Variants in DPYD observed in about 807,000 individuals in gnomAD.
The protein encoded by DPYD is dihydropyrimidine dehydrogenase, also known as dihydropyrimidine dehydrogenase [NADP(+)].
A neutral mutation model predicts 116.2 loss-of-function variants in DPYD; 109 were observed. The observed-to-expected ratio is 0.94, with a 90% CI of 0.80 to 1.10. The LOEUF is 1.10. Ranked by LOEUF, DPYD falls within the 50% of genes least tolerant of loss-of-function variation. The probability of loss-of-function intolerance (pLI) is 0.00; values close to 1 mark genes in which losing one functional copy is unlikely to be tolerated. For missense variants in DPYD, 1,302 were observed against 1,254.5 expected (o/e 1.04, Z -0.57); for synonymous variants, 440 against 432.0 (o/e 1.02, Z -0.23).
At chr1:97,345,859 C>A (rs75717834) in intron 16 of DPYD, among the ~76,000 whole-genome samples, 8,396 of 151,902 alleles carry the variant, frequency 0.055, 281 homozygotes, top group Middle Eastern at 0.13. Flanking sequence ...TAGAAGTACA[C>A]AAACAATATT....
intron 20 of DPYD, among the ~76,000 whole-genome samples, chr1:97,183,395 T>C (rs768525838): frequency 6.6e-6 from 1 of 152,094 alleles, no homozygotes; most frequent in Non-Finnish European, 1.5e-5. Context: ...TGCACCCCTG[T>C]CAAAAATCAA....
chr1:97,754,479 G>A (rs1250787921), intron 3 of DPYD, among the ~76,000 whole-genome samples: 1 of 152,158 alleles, frequency 6.6e-6, no homozygotes, highest in African/African-American at 2.4e-5. Flanking sequence ...CACAGTACGT[G>A]GCATGCTCCA....
intron 3 of DPYD, among the ~76,000 whole-genome samples, chr1:97,782,807 T>C (rs892680762): frequency 6.6e-6 from 1 of 152,182 alleles, no homozygotes; most frequent in African/African-American, 2.4e-5. Flanking sequence ...ACAGAATAAA[T>C]GGTCAAACTC....
At chr1:97,661,680 T>C (rs1659266800) in intron 8 of DPYD, among the ~76,000 whole-genome samples, 1 of 152,166 alleles carries the variant, frequency 6.6e-6, no homozygotes, top group South Asian at 2.1e-4. Context: ...AGAATAACTT[T>C]ATTGGTTAGT....
intron 1 of DPYD, among the ~76,000 whole-genome samples, chr1:97,912,451 T>C (rs1433849307): frequency 2.0e-5 from 3 of 152,096 alleles, no homozygotes; most frequent in Non-Finnish European, 4.4e-5. Flanking sequence ...ATGCTTTTGA[T>C]AGGACAAGAA....
At chr1:97,367,243 C>T (rs981788227) in intron 16 of DPYD, among the ~76,000 whole-genome samples, 7 of 151,678 alleles carry the variant, frequency 4.6e-5, no homozygotes, top group Non-Finnish European at 4.4e-5. Flanking sequence ...TGAAAAAATG[C>T]TGGCATGTTG....
chr1:97,195,582 A>G (rs1398343040), intron 19 of DPYD, among the ~76,000 whole-genome samples: 1 of 47,938 alleles, frequency 2.1e-5, no homozygotes, highest in Non-Finnish European at 3.7e-5. Flanking sequence ...ATATATATAT[A>G]TATATATATA....
intron 22 of DPYD, among the ~76,000 whole-genome samples, chr1:97,081,354 T>C (rs1453302888): frequency 6.6e-6 from 1 of 152,086 alleles, no homozygotes; most frequent in African/African-American, 2.4e-5. Flanking sequence ...CAATATTGTA[T>C]AGTTTTTAGC....
At chr1:97,757,482 G>A (rs770726324) in intron 3 of DPYD, among the ~76,000 whole-genome samples, 3 of 152,038 alleles carry the variant, frequency 2.0e-5, no homozygotes, top group Non-Finnish European at 2.9e-5. Context: ...GGTTAGTCTT[G>A]CATTTTCAGC....
chr1:97,519,993 G>A (rs1287241587), intron 12 of DPYD, among the ~76,000 whole-genome samples: 1 of 152,006 alleles, frequency 6.6e-6, no homozygotes, highest in Non-Finnish European at 1.5e-5. Context: ...TTGGTTATAT[G>A]TTTAAGTATT....
intron 20 of DPYD, among the ~76,000 whole-genome samples, chr1:97,148,237 GGTGT>G (rs142831995): frequency 3.3e-5 from 3 of 90,646 alleles, no homozygotes; most frequent in East Asian, 2.8e-4. Flanking sequence ...GTATGTGTAG[GGTGT>G]GTGTGTGTGT....
At chr1:97,197,351 A>T (rs374824968) in intron 19 of DPYD, among the ~76,000 whole-genome samples, 1 of 152,002 alleles carries the variant, frequency 6.6e-6, no homozygotes, top group African/African-American at 2.4e-5. Flanking sequence ...CTGAGATTCT[A>T]TTTTTTTGTA....
At chr1:97,792,400 C>T (rs1411581023) in intron 3 of DPYD, among the ~76,000 whole-genome samples, 1 of 151,924 alleles carries the variant, frequency 6.6e-6, no homozygotes, top group Non-Finnish European at 1.5e-5. Flanking sequence ...TCCAGGCAGC[C>T]AACACACCCA....
intron 16 of DPYD, among the ~76,000 whole-genome samples, chr1:97,319,240 A>G (rs894228006): frequency 4.4e-4 from 67 of 150,868 alleles, no homozygotes; most frequent in African/African-American, 1.6e-3. Context: ...TCAGAGCACA[A>G]CTGAAGGAAA....
At chr1:97,178,510 G>A (rs1312800986) in intron 20 of DPYD, among the ~76,000 whole-genome samples, 2 of 152,094 alleles carry the variant, frequency 1.3e-5, no homozygotes, top group East Asian at 1.9e-4. Flanking sequence ...ATCAGATCTC[G>A]TGAGAACTCA....
At chr1:97,596,603 G>A (rs1339758088) in intron 8 of DPYD, among the ~76,000 whole-genome samples, 1 of 152,126 alleles carries the variant, frequency 6.6e-6, no homozygotes, top group Non-Finnish European at 1.5e-5. Context: ...AGAGGCAGGA[G>A]TTTATTTTAC....
intron 18 of DPYD, among the ~76,000 whole-genome samples, chr1:97,303,948 G>T (rs1667012760): frequency 6.6e-6 from 1 of 151,938 alleles, no homozygotes; most frequent in African/African-American, 2.4e-5. Context: ...CTTAAAGACT[G>T]CAACACAAAA....
rs543227791 is a variant in DPYD at position 97,230,397 on chromosome 1, A to G, written c.2442+4455T>C. ...GTAATACAGGAACGGACAACCAAAT[A>G]CTGCATGTTCTCACTTAGAAGTGGA... On this transcript the variant is annotated intron_variant, in intron 19 of 22. Transcript: ENST00000370192. Among the ~76,000 whole-genome samples the G allele has an allele frequency of 4.6e-5, 7 of 152,298 alleles. No homozygotes were observed. The South Asian group carries it at 1.4e-3, about 32-fold the overall frequency.
chr1:97,397,469 A>G lies in DPYD; in HGVS notation c.1906-15008T>C, dbSNP rs72973846. Among the ~76,000 whole-genome samples the G allele has an allele frequency of 4.5e-3, 686 of 152,120 alleles. 7 individuals carry two copies. Among genetic ancestry groups the G allele is most frequent in the African/African-American group, 0.016 (662 of 41,526 alleles). Reference sequence around the variant, plus strand: ...GACACGTATCCATTGTTTTAGTATCATACAGAGTATTTTCACTTTCCTAAA... The same window carrying G: ...GACACGTATCCATTGTTTTAGTATCGTACAGAGTATTTTCACTTTCCTAAA... On this transcript the variant is annotated intron_variant, in intron 14 of 22. Transcript: ENST00000370192.
Sources: gnomAD v4.1 joint callset for allele counts (sites outside exome capture counted in the v4.1 genomes callset) on GRCh38, gnomAD v4.1.1 for gene constraint, MANE v1.5 for transcripts, NCBI Gene and HGNC (gene_info 2026-07-23, HGNC 2026-07-21) for gene names.